Variants in EDF1 observed in about 807,000 individuals in gnomAD.
EDF1 encodes endothelial differentiation related factor 1.
A neutral mutation model predicts 20.8 loss-of-function variants in EDF1; 5 were observed. The observed-to-expected ratio is 0.24, with a 90% CI of 0.13 to 0.51. EDF1 has a LOEUF of 0.51. EDF1 is among the 20% of genes least tolerant of loss of function. The pLI is 0.97. For synonymous variants in EDF1, 96 were observed against 78.5 expected (o/e 1.22, Z -1.18); for missense variants, 137 against 197.8 (o/e 0.69, Z 1.84).
In EDF1 at chr9:136,863,704, G is replaced by A. The variant is rs747727016; in HGVS notation, c.130+116C>T. Reference sequence around the variant, plus strand: ...GCCTCCCAGGGCTCCGGCCAGCACCGGTGCAGGCAGGCACTCAGCTGACAA... The same window carrying A: ...GCCTCCCAGGGCTCCGGCCAGCACCAGTGCAGGCAGGCACTCAGCTGACAA... On this transcript the variant is annotated intron_variant, in intron 2 of 4. Coordinates refer to ENST00000224073, the MANE Select transcript of EDF1 (RefSeq NM_003792.4). The surrounding 1 kb of genome is among the most constrained non-coding windows in gnomAD (Gnocchi z 4.5). The A allele has an allele frequency of 1.9e-5, 26 of 1,337,850 alleles. No homozygotes were observed. The highest frequency in any genetic ancestry group is 1.8e-4 in the Middle Eastern group (1 of 5,478). The allele number at this position is 1,337,850 out of a possible 1,614,324, so 82.9% of individuals were successfully genotyped here.
intron 1 of EDF1, among the ~76,000 whole-genome samples, chr9:136,865,033 T>C (rs1564393335): frequency 6.6e-6 from 1 of 152,210 alleles, no homozygotes; most frequent in Non-Finnish European, 1.5e-5. Context: ...GCCATTAAGT[T>C]TCCTTTAAAA....
chr9:136,864,646 CAG>C (rs781589647), intron 1 of EDF1, among the ~76,000 whole-genome samples: 1 of 150,840 alleles, frequency 6.6e-6, no homozygotes, highest in African/African-American at 2.4e-5. Flanking sequence ...TTTTTTGAGA[CAG>C]AGTCTCACTC....
At position 136,863,861 on chromosome 9, in the gene EDF1, G is replaced by A. The variant is rs758319627; in HGVS notation, c.89C>T (p.Ala30Val). The change falls in exon 2 of 5, where the codon GCG becomes GTG. Residue 30 changes from alanine (A) to valine (V), a missense_variant. Physicochemically the swap from Ala to Val is moderately conservative, Grantham distance 64. Coordinates refer to ENST00000224073, the MANE Select transcript of EDF1 (RefSeq NM_003792.4). This position sits in a 1 kb window ranked among gnomAD's most constrained non-coding sequence, Gnocchi z 4.5. ...AQAKSKQAIL[A>V]AQRRGEDVET... Reference sequence around the variant, plus strand: ...CACATCTTCTCCTCGTCTCTGTGCCGCTAAGATAGCCTAGAAAATTAGAAA... The same window carrying A: ...CACATCTTCTCCTCGTCTCTGTGCCACTAAGATAGCCTAGAAAATTAGAAA... 9.3e-6 allele frequency: 15 copies of A among 1,613,682 alleles called. No individual in the cohort carries two copies. The highest frequency in any genetic ancestry group is 7.7e-5 in the South Asian group (7 of 91,084).
At chr9:136,865,863 A>G (rs1849211468) in intron 1 of EDF1, among the ~76,000 whole-genome samples, 1 of 97,422 alleles carries the variant, frequency 1.0e-5, no homozygotes, top group African/African-American at 4.1e-5. Context: ...TCCCGGCCCT[A>G]TCGCCTGCCC....
intron 1 of EDF1, among the ~76,000 whole-genome samples, chr9:136,864,813 C>T (rs1008323064): frequency 7.2e-5 from 11 of 151,900 alleles, no homozygotes; most frequent in South Asian, 2.1e-4. Context: ...TTAGTAGAGA[C>T]GGGGTTTCAC....
chr9:136,866,293 G>A lies in EDF1; in HGVS notation c.-35C>T. 1 of 1,589,290 alleles carries A rather than the reference G, an allele frequency of 6.3e-7. No homozygotes were observed. The highest frequency in any genetic ancestry group is 8.5e-7 in the Non-Finnish European group (1 of 1,172,384). ...AGACGAGCGTCCGTCCGGCGGCTCA[G>A]CGGCAGCTGCTAGAGACCTGGCGCG... On this transcript the variant is annotated 5_prime_UTR_variant, in exon 1 of 5. Transcript: ENST00000224073.
intron 1 of EDF1, among the ~76,000 whole-genome samples, chr9:136,865,978 T>G (rs1224470010): frequency 3.1e-4 from 3 of 9,828 alleles, no homozygotes. Context: ...TTCCCACCCC[T>G]GTCCTGGCCC....
At position 136,863,101 on chromosome 9, in the gene EDF1, G is replaced by A. The variant is rs1258524128; in HGVS notation, c.292-102C>T. The A allele has an allele frequency of 6.5e-7, 1 of 1,543,720 alleles. No individual in the cohort carries two copies. Among genetic ancestry groups the A allele is most frequent in the South Asian group, 1.1e-5 (1 of 89,288 alleles). On this transcript the variant is annotated intron_variant, in intron 3 of 4. Transcript: ENST00000224073. This position sits in a 1 kb window ranked among gnomAD's most constrained non-coding sequence, Gnocchi z 4.5. ...AACAGCAGCTTCTAGGGCCCCTGGG[G>A]TACGCACCCACACGCAGCTGGGTTT... is the stretch of plus-strand genomic sequence containing the variant.
chr9:136,862,674 C>CT lies in EDF1; in HGVS notation c.385+231dup. 1 of 1,490,716 alleles carries CT rather than the reference C, an allele frequency of 6.7e-7. No homozygotes were observed. The highest frequency in any genetic ancestry group is 8.9e-7 in the Non-Finnish European group (1 of 1,126,860). 92.3% of individuals were successfully genotyped at this position (1,490,716 alleles called of 1,614,324 possible). A position where few individuals can be genotyped will look rare whatever the true frequency, so the allele number is the denominator to read the frequency against. On this transcript the variant is annotated intron_variant, in intron 4 of 4. Transcript: ENST00000224073. This position sits in a 1 kb window ranked among gnomAD's most constrained non-coding sequence, Gnocchi z 4.1. The stretch of plus-strand genomic sequence containing the variant: ...CGCCAACAGCACAGGCTGACGGGAA[C>CT]TGGCAAGGGGAAGGGACTCGGACTC...
intron 1 of EDF1, among the ~76,000 whole-genome samples, chr9:136,865,882 G>A (rs1456715505): frequency 1.2e-5 from 1 of 84,984 alleles, no homozygotes; most frequent in South Asian, 4.4e-4. Context: ...CCCTTGCCCC[G>A]TCCGGTTCCC....
In EDF1 at chr9:136,863,032, T is replaced by C. The variant is rs745642299; in HGVS notation, c.292-33A>G. On this transcript the variant is annotated intron_variant, in intron 3 of 4. Transcript: ENST00000224073. The surrounding 1 kb of genome is among the most constrained non-coding windows in gnomAD (Gnocchi z 4.5). ...GAAGATGTGCTTTATACACATCAGC[T>C]CCACTAGGACTGCTGCAAAACCAGG... The C allele has an allele frequency of 1.9e-6, 3 of 1,612,304 alleles. No individual in the cohort carries two copies. In the East Asian group the frequency reaches 6.7e-5, roughly 36 times the overall value.
rs1849131448 is a variant in EDF1 at position 136,862,822 on chromosome 9, C to G, written c.385+84G>C. On this transcript the variant is annotated intron_variant, in intron 4 of 4. Transcript: ENST00000224073. This position sits in a 1 kb window ranked among gnomAD's most constrained non-coding sequence, Gnocchi z 4.1. The stretch of plus-strand genomic sequence containing the variant: ...GGACCCCCAGGGCCATCTTCTTCCC[C>G]CGAGTCCCACTCTCACCAACCCCAG... The G allele has an allele frequency of 6.2e-7, 1 of 1,610,988 alleles. No homozygotes were observed. Among genetic ancestry groups the G allele is most frequent in the African/African-American group, 1.3e-5 (1 of 74,862 alleles).
At position 136,863,297 on chromosome 9, in the gene EDF1, G is replaced by C; in HGVS notation, c.282C>G (p.Asp94Glu). ...GRQSKGLTQK[D>E]LATKINEKPQ... is the part of the protein sequence containing the mutation. Reference sequence around the variant, plus strand: ...CCCGGCGCAGCCTCACCGTGGCCAGGTCCTTCTGCGTAAGCCCCTTGCTCT... The same window carrying C: ...CCCGGCGCAGCCTCACCGTGGCCAGCTCCTTCTGCGTAAGCCCCTTGCTCT... Residue 94 changes from aspartate (D) to glutamate (E), a missense_variant, in exon 3 of 5, where the codon GAC (aspartate) becomes GAG (glutamate). Transcript: ENST00000224073. This position sits in a 1 kb window ranked among gnomAD's most constrained non-coding sequence, Gnocchi z 4.5. 1 of 1,612,994 alleles carries C rather than the reference G, an allele frequency of 6.2e-7. No homozygotes were observed. Among genetic ancestry groups the C allele is most frequent in the Non-Finnish European group, 8.5e-7 (1 of 1,179,854 alleles).
intron 1 of EDF1, 94 bp downstream of exon 1, chr9:136,866,087 G>A: frequency 4.9e-6 from 5 of 1,022,880 alleles, no homozygotes; most frequent in South Asian, 3.5e-5. Flanking sequence ...CCCAGGCCCC[G>A]CCTGCCCTTC....
Position 136,862,708 on chromosome 9 carries a change from C to G in EDF1, c.385+198G>C. 1.3e-6 allele frequency: 2 copies of G among 1,518,162 alleles called. No individual in the cohort carries two copies. The highest frequency in any genetic ancestry group is 1.8e-6 in the Non-Finnish European group (2 of 1,141,504). The allele number at this position is 1,518,162 out of a possible 1,614,324, so 94.0% of individuals were successfully genotyped here. A position where few individuals can be genotyped will look rare whatever the true frequency, so the allele number is the denominator to read the frequency against. On this transcript the variant is annotated intron_variant, in intron 4 of 4. Transcript: ENST00000224073. This position sits in a 1 kb window ranked among gnomAD's most constrained non-coding sequence, Gnocchi z 4.1. Reference sequence around the variant, plus strand: ...GGAAGGGACTCGGACTCCACTTGCTCTTAGGGGTTTCCTGAGGCCTGCAGA... The same window carrying G: ...GGAAGGGACTCGGACTCCACTTGCTGTTAGGGGTTTCCTGAGGCCTGCAGA...
At chr9:136,864,462 AG>A (rs1564393077) in intron 1 of EDF1, among the ~76,000 whole-genome samples, 1 of 152,050 alleles carries the variant, frequency 6.6e-6, no homozygotes, top group Non-Finnish European at 1.5e-5. Flanking sequence ...AAAAGTAGGA[AG>A]GAACACCAAA....
chr9:136,863,958 G>T lies in EDF1; in HGVS notation c.79-87C>A. ...ATTCAGGCCTGCTGTTAGCCAGTTA[G>T]CACACTGCTAAGGACTAGTGGTGCC... is the stretch of plus-strand genomic sequence containing the variant. On this transcript the variant is annotated intron_variant, in intron 1 of 4. Coordinates refer to ENST00000224073, the MANE Select transcript of EDF1 (RefSeq NM_003792.4). The surrounding 1 kb of genome is among the most constrained non-coding windows in gnomAD (Gnocchi z 4.5). The T allele has an allele frequency of 7.1e-7, 1 of 1,411,164 alleles. No individual in the cohort carries two copies. The highest frequency in any genetic ancestry group is 9.9e-7 in the Non-Finnish European group (1 of 1,005,778). 87.4% of individuals were successfully genotyped at this position (1,411,164 alleles called of 1,614,324 possible). A position where few individuals can be genotyped will look rare whatever the true frequency, so the allele number is the denominator to read the frequency against.
In EDF1 at chr9:136,862,799, A is replaced by AC; in HGVS notation, c.385+106dup. 3.1e-6 allele frequency: 5 copies of AC among 1,608,452 alleles called. No homozygotes were observed. In the South Asian group the frequency reaches 5.5e-5, roughly 18 times the overall value. ...AGCTCCAGAATTCAGAGAACAGGGG[A>AC]CCCCCAGGGCCATCTTCTTCCCCCG... is the stretch of plus-strand genomic sequence containing the variant. On this transcript the variant is annotated intron_variant, in intron 4 of 4. Coordinates refer to ENST00000224073, the MANE Select transcript of EDF1 (RefSeq NM_003792.4). The surrounding 1 kb of genome is among the most constrained non-coding windows in gnomAD (Gnocchi z 4.1).
rs368742915 is a variant in EDF1 at position 136,863,792 on chromosome 9, T to C, written c.130+28A>G. The C allele has an allele frequency of 3.4e-5, 55 of 1,613,630 alleles. No individual in the cohort carries two copies. The African/African-American group carries it at 5.9e-4, about 17-fold the overall frequency. On this transcript the variant is annotated intron_variant, in intron 2 of 4. Coordinates refer to ENST00000224073, the MANE Select transcript of EDF1 (RefSeq NM_003792.4). The surrounding 1 kb of genome is among the most constrained non-coding windows in gnomAD (Gnocchi z 4.5). ...ACATGGACCCCACAGCACAGCCTCA[T>C]GTTGCAAGCGGAAACACAAGTACCT...
Sources: allele counts gnomAD v4.1 joint callset (sites outside exome capture counted in the v4.1 genomes callset), GRCh38; gene constraint gnomAD v4.1.1; non-coding constraint Gnocchi (gnomAD v3.1); transcripts MANE v1.5; gene names NCBI Gene and HGNC (gene_info 2026-07-23, HGNC 2026-07-21).